CLDN18: variants seen among roughly 807,000 people sequenced by gnomAD.
The protein encoded by CLDN18 is claudin-18.
Under a neutral mutation model 25.0 loss-of-function variants are expected in CLDN18, and 20 were observed. The ratio of observed to expected loss-of-function variants is 0.80; its 90% confidence interval spans 0.56 to 1.16. CLDN18 has a LOEUF of 1.16. CLDN18 is among the 50% of genes most tolerant of loss of function. CLDN18 has a pLI of 0.00. For synonymous variants in CLDN18, 125 were observed against 135.6 expected, an observed-to-expected ratio of 0.92 and a Z score of 0.54; for missense variants, 297 against 345.4, an observed-to-expected ratio of 0.86 and a Z score of 1.11.
chr3:138,000,450 G>A (rs1942003893), intron 1 of CLDN18, among the ~76,000 whole-genome samples: 1 of 152,214 alleles, frequency 6.6e-6, no homozygotes, highest in African/African-American at 2.4e-5. Context: ...CTTGGCGGGA[G>A]AAGAAGGTTT....
At position 138,023,740 on chromosome 3, in the gene CLDN18, GAA is replaced by G; in HGVS notation, c.305_306del (p.Lys102MetfsTer44). On this transcript the variant is annotated frameshift_variant, in exon 2 of 5. Transcript: ENST00000183605. LOFTEE classifies it high-confidence loss of function. The stretch of plus-strand genomic sequence containing the variant: ...GCCTCCTGGTATCCATCTTTGCCCT[GAA>G]ATGCATCCGCATTGGCAGCATGGAG... ...IGLLVSIFAL[K>X]CIRIGSMEDS... 1 of 1,614,104 alleles carries G rather than the reference GAA, an allele frequency of 6.2e-7. No individual in the cohort carries two copies. The highest frequency in any genetic ancestry group is 8.5e-7 in the Non-Finnish European group (1 of 1,180,028).
At chr3:138,000,944 A>G (rs1942009880) in intron 1 of CLDN18, among the ~76,000 whole-genome samples, 1 of 152,250 alleles carries the variant, frequency 6.6e-6, no homozygotes, top group Non-Finnish European at 1.5e-5. Context: ...CATGCCACAC[A>G]CAGCACCTGC....
chr3:138,026,648 AAAAC>A (rs1247154976), intron 3 of CLDN18, among the ~76,000 whole-genome samples: 11 of 152,288 alleles, frequency 7.2e-5, no homozygotes, highest in Admixed American at 2.0e-4. Context: ...CCATCTCAAA[AAAAC>A]AAACAAAAAA....
intron 1 of CLDN18, among the ~76,000 whole-genome samples, chr3:138,015,508 A>G (rs1942192313): frequency 6.6e-6 from 1 of 152,254 alleles, no homozygotes; most frequent in Non-Finnish European, 1.5e-5. Flanking sequence ...ACTCTTTAGC[A>G]GAGAAGTAAG....
Position 138,024,664 on chromosome 3 carries a change from G to C in CLDN18, c.443G>C (p.Trp148Ser), listed in dbSNP as rs1253466990. The C allele has an allele frequency of 6.2e-7, 1 of 1,613,904 alleles. No homozygotes were observed. ...VFANMLVTNF[W>S]MSTANMYTGM... ...GCCAACATGCTGGTGACTAACTTCT[G>C]GATGTCCACAGCTAACATGTACACC... is the stretch of plus-strand genomic sequence containing the variant. Residue 148 changes from tryptophan to serine, a missense_variant, in exon 3 of 5, where the codon TGG becomes TCG. Trp to Ser is a radical substitution (Grantham distance 177). Coordinates refer to ENST00000183605, the MANE Select transcript of CLDN18 (RefSeq NM_016369.4).
At chr3:137,998,980 A>G (rs1420925449) in exon 1 of CLDN18, 18 of 1,614,068 alleles carry the variant, frequency 1.1e-5, no homozygotes, top group Non-Finnish European at 1.5e-5. Context: ...CTTGTACAAC[A>G]ACCCCGTAAC....
upstream of CLDN18, among the ~76,000 whole-genome samples, chr3:138,009,435 C>T (rs1307078768): frequency 6.6e-6 from 1 of 152,164 alleles, no homozygotes; most frequent in Non-Finnish European, 1.5e-5. Flanking sequence ...GGCTTCCTCT[C>T]ATCCCAGTTC....
At chr3:138,017,560 T>C (rs1942220506) in intron 1 of CLDN18, among the ~76,000 whole-genome samples, 1 of 152,198 alleles carries the variant, frequency 6.6e-6, no homozygotes, top group Non-Finnish European at 1.5e-5. Context: ...AGACTTCTCA[T>C]AAGTATCATT....
At chr3:138,021,573 T>G (rs751274360) in intron 1 of CLDN18, among the ~76,000 whole-genome samples, 2 of 152,218 alleles carry the variant, frequency 1.3e-5, no homozygotes, top group Non-Finnish European at 2.9e-5. Context: ...TAACAGGTTA[T>G]TGTTTTTCAT....
chr3:137,999,091 A>G, intron 1 of CLDN18: 1 of 1,613,700 alleles, frequency 6.2e-7, no homozygotes. Flanking sequence ...GCTGCCAGGT[A>G]AGGGCCAGGT....
Position 138,031,214 on chromosome 3 carries a change from T to G in CLDN18, c.*73T>G, listed in dbSNP as rs55923693. The G allele has an allele frequency of 2.2e-6, 3 of 1,351,204 alleles. No homozygotes were observed. Among genetic ancestry groups the G allele is most frequent in the South Asian group, 1.6e-5 (1 of 63,436 alleles). The allele number at this position is 1,351,204 out of a possible 1,614,324, so 83.7% of individuals were successfully genotyped here. A position where few individuals can be genotyped will look rare whatever the true frequency, so the allele number is the denominator to read the frequency against. ...ACCCAAAAAACAAGGAGATCCCATC[T>G]AGATTTCTTCTTGCTTTTGACTCAC... On this transcript the variant is annotated 3_prime_UTR_variant, in exon 5 of 5. Coordinates refer to ENST00000183605, the MANE Select transcript of CLDN18 (RefSeq NM_016369.4).
chr3:138,021,852 T>C (rs1942273731), intron 1 of CLDN18, among the ~76,000 whole-genome samples: 1 of 152,172 alleles, frequency 6.6e-6, no homozygotes, highest in Non-Finnish European at 1.5e-5. Flanking sequence ...AATAAGACTT[T>C]AAAGGTTAGC....
chr3:138,012,040 T>C (rs1942141769), intron 1 of CLDN18, among the ~76,000 whole-genome samples: 1 of 152,188 alleles, frequency 6.6e-6, no homozygotes, highest in African/African-American at 2.4e-5. Context: ...ATGCCACCTG[T>C]CTGGGATCAT....
chr3:138,001,465 G>A (rs537295632), intron 1 of CLDN18, among the ~76,000 whole-genome samples: 11 of 148,288 alleles, frequency 7.4e-5, no homozygotes, highest in South Asian at 2.1e-4. Flanking sequence ...CTCATGATCC[G>A]CCTGCCTTGG....
intron 3 of CLDN18, 75 bp downstream of exon 3, chr3:138,024,799 T>C: frequency 1.2e-6 from 1 of 847,480 alleles, no homozygotes; most frequent in Non-Finnish European, 1.9e-6. Flanking sequence ...CACATGCACC[T>C]AATGTGACTG....
At chr3:138,001,550 T>G (rs1422122078) in intron 1 of CLDN18, among the ~76,000 whole-genome samples, 2 of 151,964 alleles carry the variant, frequency 1.3e-5, no homozygotes, top group African/African-American at 4.8e-5. Context: ...GCTGGAGAGA[T>G]AGGGAGATGG....
At chr3:138,018,131 A>G (rs912268839) in intron 1 of CLDN18, among the ~76,000 whole-genome samples, 1 of 152,208 alleles carries the variant, frequency 6.6e-6, no homozygotes, top group Non-Finnish European at 1.5e-5. Flanking sequence ...TCCTGCTGCT[A>G]TAAGAAGATT....
chr3:138,027,432 G>T lies in CLDN18; in HGVS notation c.504-2365G>T, dbSNP rs116305600. Among the ~76,000 whole-genome samples, 798 of 152,306 alleles carry T rather than the reference G, an allele frequency of 5.2e-3. 5 individuals carry two copies. Among genetic ancestry groups the T allele is most frequent in the African/African-American group, 0.018 (745 of 41,566 alleles). On this transcript the variant is annotated intron_variant, in intron 3 of 4. Transcript: ENST00000183605. ...CCAGAGTGTCTAAGTTGAGGAAAAGGACTTTGTCCCTCATGCTCAGAAGAT... is the reference window on the plus strand; with the variant it reads ...CCAGAGTGTCTAAGTTGAGGAAAAGTACTTTGTCCCTCATGCTCAGAAGAT...
intron 1 of CLDN18, among the ~76,000 whole-genome samples, chr3:138,016,945 A>T (rs2107882190): frequency 6.6e-6 from 1 of 152,220 alleles, no homozygotes; most frequent in Non-Finnish European, 1.5e-5. Flanking sequence ...AGTCCCAGCT[A>T]CTAGGGAAGC....
Sources: allele counts gnomAD v4.1 joint callset (sites outside exome capture counted in the v4.1 genomes callset), GRCh38; gene constraint gnomAD v4.1.1; transcripts MANE v1.5; gene names NCBI Gene and HGNC (gene_info 2026-07-23, HGNC 2026-07-21).